The following HTN3 variants were observed in gnomAD, a reference collection of about 807,000 sequenced individuals.
The protein encoded by HTN3 is histatin-3.
In HTN3, 15 loss-of-function variants were observed where a neutral mutation model predicts 10.6. That is an observed-to-expected ratio of 1.42 (90% CI 0.95 to 2.18). The LOEUF is 2.18. Ranked by LOEUF, HTN3 falls within the 30% of genes most tolerant of loss-of-function variation. The probability of loss-of-function intolerance (pLI) is 0.00; values close to 1 mark genes in which losing one functional copy is unlikely to be tolerated. For missense variants in HTN3, 68 were observed against 58.0 expected, an observed-to-expected ratio of 1.17 and a Z score of -0.56; for synonymous variants, 15 against 16.9, an observed-to-expected ratio of 0.89 and a Z score of 0.27.
intron 5 of HTN3, among the ~76,000 whole-genome samples, chr4:70,035,077 C>A (rs1248613748): frequency 6.6e-6 from 1 of 152,026 alleles, no homozygotes; most frequent in African/African-American, 2.4e-5. Context: ...GAGGGCTGAT[C>A]AATAGTGCAG....
chr4:70,033,463 G>C (rs1725436465), intron 5 of HTN3: 4 of 382,378 alleles, frequency 1.0e-5, no homozygotes, highest in Non-Finnish European at 1.9e-5. Context: ...CTGTTCCATT[G>C]GTCTATATGT....
intron 4 of HTN3, among the ~76,000 whole-genome samples, chr4:70,032,816 CT>C (rs1048019023): frequency 6.6e-6 from 1 of 152,038 alleles, no homozygotes; most frequent in Non-Finnish European, 1.5e-5. Context: ...GAAACGGTAA[CT>C]TTCTCCTCCC....
intron 5 of HTN3, among the ~76,000 whole-genome samples, chr4:70,035,881 G>T (rs1053786064): frequency 6.6e-6 from 1 of 152,062 alleles, no homozygotes; most frequent in Non-Finnish European, 1.5e-5. Context: ...TATTAGAAAA[G>T]GCCTGATCTT....
intron 2 of HTN3, chr4:70,031,461 AC>A (rs1383190566): frequency 1.3e-5 from 2 of 154,008 alleles, no homozygotes; most frequent in Non-Finnish European, 2.9e-5. Context: ...TAATACTTCA[AC>A]CTATCCACTA....
intron 1 of HTN3, among the ~76,000 whole-genome samples, chr4:70,030,129 G>T (rs1015323501): frequency 1.4e-5 from 2 of 139,626 alleles, no homozygotes; most frequent in African/African-American, 6.8e-5. Flanking sequence ...ATGCTAAACT[G>T]TTTGAACTTT....
intron 1 of HTN3, among the ~76,000 whole-genome samples, chr4:70,029,245 G>C (rs986533643): frequency 2.0e-5 from 3 of 151,870 alleles, no homozygotes; most frequent in African/African-American, 7.2e-5. Flanking sequence ...CAACACAATT[G>C]ACAGTCACAA....
intron 4 of HTN3, among the ~76,000 whole-genome samples, chr4:70,032,377 A>T (rs569689246): frequency 8.6e-5 from 13 of 152,020 alleles, no homozygotes; most frequent in African/African-American, 3.1e-4. Flanking sequence ...ATAAATAATT[A>T]CATTGACCTA....
At chr4:70,032,408 T>C (rs1041944820) in intron 4 of HTN3, among the ~76,000 whole-genome samples, 15 of 152,028 alleles carry the variant, frequency 9.9e-5, no homozygotes, top group Non-Finnish European at 7.4e-5. Flanking sequence ...CCTAATTCTA[T>C]GAATAATTCC....
chr4:70,031,325 C>G (rs1409770223), intron 2 of HTN3: 1 of 154,418 alleles, frequency 6.5e-6, no homozygotes, highest in Non-Finnish European at 1.4e-5. Flanking sequence ...TCATTTACTA[C>G]TGTGTAATAG....
At chr4:70,029,553 A>G (rs940666373) in intron 1 of HTN3, among the ~76,000 whole-genome samples, 1 of 152,064 alleles carries the variant, frequency 6.6e-6, no homozygotes, top group Non-Finnish European at 1.5e-5. Flanking sequence ...AAATTTTTTA[A>G]AATATTATCT....
chr4:70,035,434 G>T (rs1725489820), intron 5 of HTN3, among the ~76,000 whole-genome samples: 1 of 152,142 alleles, frequency 6.6e-6, no homozygotes, highest in Non-Finnish European at 1.5e-5. Flanking sequence ...GTATGGTTGT[G>T]GCCATGGGTT....
At chr4:70,032,918 T>A (rs79298613) in intron 4 of HTN3, among the ~76,000 whole-genome samples, 3,222 of 152,270 alleles carry the variant, frequency 0.021, 54 homozygotes, top group Non-Finnish European at 0.031. Context: ...CTATAATCAG[T>A]GTTCCAACAT....
chr4:70,032,738 G>C (rs1476488563), intron 4 of HTN3, among the ~76,000 whole-genome samples: 1 of 152,042 alleles, frequency 6.6e-6, no homozygotes, highest in African/African-American at 2.4e-5. Context: ...GGGTATGAAA[G>C]AATGTAGGAG....
intron 4 of HTN3, among the ~76,000 whole-genome samples, chr4:70,032,776 G>A (rs1175436591): frequency 4.6e-5 from 7 of 152,004 alleles, no homozygotes; most frequent in African/African-American, 7.2e-5. Context: ...CTCATTAAAA[G>A]AATAAGATGA....
intron 2 of HTN3, 192 bp downstream of exon 2, chr4:70,030,983 G>A (rs748231723): frequency 1.3e-4 from 64 of 477,988 alleles, no homozygotes; most frequent in Non-Finnish European, 2.0e-4. Flanking sequence ...ACATACCTGC[G>A]AACACTCAAG....
intron 5 of HTN3, 67 bp downstream of exon 5, chr4:70,033,320 T>A (rs776852): frequency 0.69 from 512,488 of 739,234 alleles, 179,531 homozygotes; most frequent in African/African-American, 0.88. Flanking sequence ...AAGGAAAAAT[T>A]AAAAAAAAGC....
chr4:70,029,923 G>A (rs116498803), intron 1 of HTN3, among the ~76,000 whole-genome samples: 2,806 of 152,172 alleles, frequency 0.018, 89 homozygotes, highest in African/African-American at 0.063. Context: ...TGCACCATCT[G>A]TGCTATTCTT....
chr4:70,033,165 A>T lies in HTN3; in HGVS notation c.103-2A>T. The T allele has an allele frequency of 1.2e-6, 2 of 1,604,484 alleles. No individual in the cohort carries two copies. The highest frequency in any genetic ancestry group is 1.7e-6 in the Non-Finnish European group (2 of 1,173,252). On this transcript the variant is annotated splice_acceptor_variant, in intron 4 of 5. Coordinates refer to ENST00000673563, the MANE Select transcript of HTN3 (RefSeq NM_000200.3). LOFTEE classifies it high-confidence loss of function. ...TTGCTCTCTCCTTTTGTGTGTATGC[A>T]GGAAAAGCATCATTCACATCGAGGC...
chr4:70,033,904 C>T (rs1174587648), intron 5 of HTN3: 1 of 151,836 alleles, frequency 6.6e-6, no homozygotes, highest in Non-Finnish European at 1.5e-5. Context: ...TGATGCAGGT[C>T]TCTGCTTGCT....
Sources: allele counts gnomAD v4.1 joint callset (sites outside exome capture counted in the v4.1 genomes callset), GRCh38; gene constraint gnomAD v4.1.1; transcripts MANE v1.5; gene names NCBI Gene and HGNC (gene_info 2026-07-23, HGNC 2026-07-21).